RPS6KC1: variants seen among roughly 807,000 people sequenced by gnomAD.
The protein encoded by RPS6KC1 is inactive ribosomal protein S6 kinase delta-1.
A neutral mutation model predicts 103.8 loss-of-function variants in RPS6KC1; 54 were observed. The observed-to-expected ratio is 0.52, with a 90% CI of 0.42 to 0.65. RPS6KC1 has a LOEUF of 0.65. Ranked by LOEUF, RPS6KC1 falls within the 30% of genes least tolerant of loss-of-function variation. The pLI is 0.00. For missense variants in RPS6KC1, 1,151 were observed against 1,253.8 expected (o/e 0.92, Z 1.24); for synonymous variants, 439 against 438.7 (o/e 1.00, Z -0.01).
the RPS6KC1 span, among the ~76,000 whole-genome samples, chr1:213,313,148 G>A: frequency 6.6e-6 from 1 of 152,072 alleles, no homozygotes; most frequent in Non-Finnish European, 1.5e-5. Flanking sequence ...AAGTGACCCA[G>A]AAACCCAAAG....
the RPS6KC1 span, among the ~76,000 whole-genome samples, chr1:213,756,180 C>T: frequency 6.6e-6 from 1 of 152,220 alleles, no homozygotes; most frequent in Admixed American, 6.5e-5. Context: ...CTCCTGATGT[C>T]ATCATGCCAG....
the RPS6KC1 span, among the ~76,000 whole-genome samples, chr1:213,503,478 C>G: frequency 6.6e-6 from 1 of 152,196 alleles, no homozygotes; most frequent in Non-Finnish European, 1.5e-5. Flanking sequence ...GATAAGGTGC[C>G]TGTAGCAGTC....
chr1:213,495,540 T>C, the RPS6KC1 span, among the ~76,000 whole-genome samples: 1 of 152,224 alleles, frequency 6.6e-6, no homozygotes, highest in Non-Finnish European at 1.5e-5. Context: ...CAGGCTGGTC[T>C]CGAACTCCTG....
At chr1:213,124,168 C>T (rs1403519617) in intron 5 of RPS6KC1, among the ~76,000 whole-genome samples, 1 of 152,110 alleles carries the variant, frequency 6.6e-6, no homozygotes, top group Admixed American at 6.6e-5. Flanking sequence ...TTCTGTGATA[C>T]GAACCTGGAG....
the RPS6KC1 span, among the ~76,000 whole-genome samples, chr1:213,394,870 C>T: frequency 1.4e-4 from 21 of 152,358 alleles, no homozygotes; most frequent in Non-Finnish European, 2.5e-4. Flanking sequence ...CCCAGCTCCA[C>T]GAACTGCACA....
At chr1:213,249,103 TTAAAG>T (rs1327156231) in intron 12 of RPS6KC1, among the ~76,000 whole-genome samples, 2 of 152,236 alleles carry the variant, frequency 1.3e-5, no homozygotes, top group Admixed American at 1.3e-4. Flanking sequence ...GACTTATAGT[TTAAAG>T]TATTAGCTAC....
chr1:213,098,721 C>T (rs2081721783), intron 3 of RPS6KC1, among the ~76,000 whole-genome samples: 1 of 152,028 alleles, frequency 6.6e-6, no homozygotes, highest in South Asian at 2.1e-4. Flanking sequence ...GATTACTGAT[C>T]ATAGATCACT....
At chr1:213,110,473 A>G (rs1201693596) in intron 4 of RPS6KC1, among the ~76,000 whole-genome samples, 1 of 152,172 alleles carries the variant, frequency 6.6e-6, no homozygotes, top group Admixed American at 6.5e-5. Context: ...GACTGCTGAT[A>G]TCTCTGCCCA....
At chr1:213,445,822 G>A in the RPS6KC1 span, among the ~76,000 whole-genome samples, 1 of 152,198 alleles carries the variant, frequency 6.6e-6, no homozygotes, top group Non-Finnish European at 1.5e-5. Context: ...GTTTCTGGCT[G>A]CAAGTACCAG....
chr1:213,242,833 T>G (rs1435078792), intron 12 of RPS6KC1, among the ~76,000 whole-genome samples, 175 bp downstream of exon 12: 1 of 152,196 alleles, frequency 6.6e-6, no homozygotes, highest in Non-Finnish European at 1.5e-5. Context: ...AAGTAATTCA[T>G]AGGTATATAT....
chr1:213,241,418 A>G lies in RPS6KC1; in HGVS notation c.1942A>G (p.Ser648Gly). 6.2e-7 allele frequency: 1 copy of G among 1,613,982 alleles called. No homozygotes were observed. The highest frequency in any genetic ancestry group is 8.5e-7 in the Non-Finnish European group (1 of 1,179,942). The change falls in exon 11 of 15, where the codon AGT becomes GGT. Residue 648 changes from serine (S) to glycine (G), a missense_variant. This residue lies in a region of RPS6KC1 where 959 missense variants were observed against 1,006.3 expected (regional missense o/e 0.95). Coordinates refer to ENST00000366960, the MANE Select transcript of RPS6KC1 (RefSeq NM_012424.6). ...GDSASRSFNT[S>G]ESKVEFKAQD... Reference sequence around the variant, plus strand: ...CAGTGCTTCTAGGAGTTTTAATACTAGTGAAAGCAAGGTAGAGTTTAAAGC... The same window carrying G: ...CAGTGCTTCTAGGAGTTTTAATACTGGTGAAAGCAAGGTAGAGTTTAAAGC...
chr1:213,326,862 C>T, the RPS6KC1 span, among the ~76,000 whole-genome samples: 25 of 152,190 alleles, frequency 1.6e-4, no homozygotes, highest in South Asian at 5.2e-3. Flanking sequence ...ATTTGGGTGT[C>T]CTCCAAAACA....
the RPS6KC1 span, among the ~76,000 whole-genome samples, chr1:213,374,517 G>C: frequency 6.6e-6 from 1 of 152,122 alleles, no homozygotes; most frequent in East Asian, 1.9e-4. Context: ...TCTGATTCTC[G>C]GTGAGAAAAG....
chr1:213,501,740 A>G, the RPS6KC1 span, among the ~76,000 whole-genome samples: 4 of 152,078 alleles, frequency 2.6e-5, no homozygotes, highest in Non-Finnish European at 5.9e-5. Flanking sequence ...ATCAAAAAAA[A>G]AAAAAAGAAA....
At chr1:213,330,419 C>T in the RPS6KC1 span, among the ~76,000 whole-genome samples, 1 of 152,196 alleles carries the variant, frequency 6.6e-6, no homozygotes, top group East Asian at 1.9e-4. Context: ...AAACAATGAG[C>T]TTACAGTGCT....
chr1:213,287,689 C>G, the RPS6KC1 span, among the ~76,000 whole-genome samples: 1 of 152,166 alleles, frequency 6.6e-6, no homozygotes, highest in African/African-American at 2.4e-5. Flanking sequence ...TAATATTTCT[C>G]TTGCTCATTT....
At chr1:213,199,025 C>T (rs1030260850) in intron 8 of RPS6KC1, among the ~76,000 whole-genome samples, 2 of 152,116 alleles carry the variant, frequency 1.3e-5, no homozygotes, top group Admixed American at 1.3e-4. Context: ...CAAAAAAAGC[C>T]CAGGACCAGA....
At chr1:213,187,260 T>C (rs2092572145) in intron 8 of RPS6KC1, among the ~76,000 whole-genome samples, 1 of 150,622 alleles carries the variant, frequency 6.6e-6, no homozygotes, top group Non-Finnish European at 1.5e-5. Flanking sequence ...CTTTTTTTTT[T>C]TTTTTTGAGA....
chr1:213,394,509 C>T, the RPS6KC1 span, among the ~76,000 whole-genome samples: 8 of 152,102 alleles, frequency 5.3e-5, no homozygotes, highest in South Asian at 1.7e-3. Flanking sequence ...CTGCTTTCAA[C>T]TCTTGCTCCT....
Sources: gnomAD v4.1 joint callset for allele counts (sites outside exome capture counted in the v4.1 genomes callset) on GRCh38, gnomAD v4.1.1 for gene constraint, gnomAD v4.1.1 regional missense constraint, MANE v1.5 for transcripts, NCBI Gene and HGNC (gene_info 2026-07-23, HGNC 2026-07-21) for gene names.